Variants in SLC18A2 observed in about 807,000 individuals in gnomAD.
SLC18A2 encodes synaptic vesicular amine transporter.
SLC18A2 carries 33 observed loss-of-function variants against 59.2 expected under a neutral mutation model. The ratio of observed to expected loss-of-function variants is 0.56; its 90% CI spans 0.42 to 0.75. The LOEUF is 0.75. Ranked by LOEUF, SLC18A2 falls within the 30% of genes least tolerant of loss-of-function variation. SLC18A2 has a pLI of 0.00. For missense variants in SLC18A2, 569 were observed against 668.6 expected, an observed-to-expected ratio of 0.85 and a Z score of 1.64; for synonymous variants, 228 against 253.5, an observed-to-expected ratio of 0.90 and a Z score of 0.95.
chr10:117,250,838 AC>A (rs1844155513), intron 3 of SLC18A2, among the ~76,000 whole-genome samples: 2 of 152,138 alleles, frequency 1.3e-5, no homozygotes, highest in South Asian at 4.1e-4. Context: ...GTAGGGAGGG[AC>A]CTCAGTGGCT....
Position 117,255,646 on chromosome 10 carries a change from T to G in SLC18A2, c.884T>G (p.Leu295Arg), listed in dbSNP as rs766971186. 10 of 1,613,494 alleles carry G rather than the reference T, an allele frequency of 6.2e-6. No homozygotes were observed. Among genetic ancestry groups the G allele is most frequent in the Non-Finnish European group, 8.5e-6 (10 of 1,179,942 alleles). The part of the protein sequence containing the change: ...LTTLLKDPYI[L>R]IAAGSICFAN... ...ACGCTGCTGAAGGACCCGTACATCC[T>G]CATTGCTGCAGGTGGGGCTCTGTGG... Residue 295 changes from leucine (L) to arginine (R), a missense_variant, in exon 9 of 16, where the codon CTC (leucine) becomes CGC (arginine). By Grantham distance (102) the Leu-to-Arg change is moderately radical. Around this residue, in one of 2 missense-constraint regions of SLC18A2, gnomAD observed 377 missense variants for 389.8 expected, o/e 0.97. Transcript: ENST00000644641.
At chr10:117,248,280 A>T (rs1432798950) in intron 3 of SLC18A2, among the ~76,000 whole-genome samples, 1 of 152,012 alleles carries the variant, frequency 6.6e-6, no homozygotes, top group African/African-American at 2.4e-5. Flanking sequence ...TGTTTTTTTT[A>T]AATATTCGAT....
chr10:117,244,358 T>C (rs1844088921), intron 3 of SLC18A2, 45 bp downstream of exon 3: 3 of 1,488,056 alleles, frequency 2.0e-6, no homozygotes, highest in Non-Finnish European at 2.8e-6. Flanking sequence ...TTTGTATCAG[T>C]CCTAGCTTAT....
Position 117,255,348 on chromosome 10 carries a change from C to T in SLC18A2, c.772C>T (p.Leu258=). 1 of 1,614,252 alleles carries T rather than the reference C, an allele frequency of 6.2e-7. No individual in the cohort carries two copies. Reference sequence around the variant, plus strand: ...GGCTCCGTTCCTGGTGCTGGCCGCCCTGGTACTCTTGGATGGAGGTGAGTG... The same window carrying T: ...GGCTCCGTTCCTGGTGCTGGCCGCCTTGGTACTCTTGGATGGAGGTGAGTG... The part of the protein sequence containing the change: ...KTAPFLVLAA[L]VLLDGAIQLF... The change falls in exon 7 of 16, where the codon CTG becomes TTG. Residue 258 remains leucine, a synonymous_variant. Coordinates refer to ENST00000644641, the MANE Select transcript of SLC18A2 (RefSeq NM_003054.6).
Position 117,244,240 on chromosome 10 carries a change from GTTGGTC to G in SLC18A2, c.393_398del (p.Gly132_Leu133del). ...AGACCTCCTGAATGAAAACGTGCAA[GTTGGTC>G]TGTTGTTTGCCTCGAAAGCCACCGT... On this transcript the variant is annotated inframe_deletion, in exon 3 of 16. Coordinates refer to ENST00000644641, the MANE Select transcript of SLC18A2 (RefSeq NM_003054.6). 1 of 1,614,198 alleles carries G rather than the reference GTTGGTC, an allele frequency of 6.2e-7. No homozygotes were observed. The highest frequency in any genetic ancestry group is 8.5e-7 in the Non-Finnish European group (1 of 1,180,038).
chr10:117,264,587 T>A (rs1315779627), intron 10 of SLC18A2, among the ~76,000 whole-genome samples: 1 of 152,126 alleles, frequency 6.6e-6, no homozygotes, highest in Admixed American at 6.5e-5. Context: ...CTAGATGGAG[T>A]CTGGGCCCTC....
intron 15 of SLC18A2, among the ~76,000 whole-genome samples, chr10:117,276,613 CAAAAAAAAAA>C (rs1161850365): frequency 2.1e-5 from 1 of 46,740 alleles, no homozygotes; most frequent in African/African-American, 9.4e-5. Flanking sequence ...GACTTCATCT[CAAAAAAAAAA>C]AAAAAAAAAA....
intron 3 of SLC18A2, among the ~76,000 whole-genome samples, chr10:117,252,137 T>A (rs1844168993): frequency 8.2e-6 from 1 of 122,678 alleles, no homozygotes; most frequent in African/African-American, 4.0e-5. Context: ...TTTTTGTATT[T>A]TTTTTTTTTT....
At chr10:117,253,941 C>G in intron 4 of SLC18A2, 107 bp from the exon 5 acceptor site, 1 of 951,780 alleles carries the variant, frequency 1.1e-6, no homozygotes, top group Non-Finnish European at 1.6e-6. Flanking sequence ...GGGTGGCTAA[C>G]ATGCAAATGC....
intron 10 of SLC18A2, among the ~76,000 whole-genome samples, chr10:117,264,509 G>A (rs1219215555): frequency 6.6e-6 from 1 of 152,156 alleles, no homozygotes; most frequent in Middle Eastern, 3.2e-3. Context: ...AAAACAAACA[G>A]GATCTTCCAA....
chr10:117,270,549 G>A (rs1406160458), intron 15 of SLC18A2, 86 bp downstream of exon 15: 48 of 1,480,934 alleles, frequency 3.2e-5, no homozygotes, highest in Non-Finnish European at 4.4e-5. Context: ...TCATTCTAAA[G>A]CCTTCAAACA....
At chr10:117,270,541 A>G in intron 15 of SLC18A2, 78 bp downstream of exon 15, 2 of 1,520,334 alleles carry the variant, frequency 1.3e-6, no homozygotes, top group South Asian at 2.4e-5. Flanking sequence ...TCATGGTTTC[A>G]TTCTAAAGCC....
At chr10:117,259,915 C>G (rs973778823) in intron 10 of SLC18A2, among the ~76,000 whole-genome samples, 10 of 152,188 alleles carry the variant, frequency 6.6e-5, no homozygotes. Flanking sequence ...ATGAATCCCC[C>G]TATTTTCTCT....
At chr10:117,276,348 G>A (rs1025549155) in intron 15 of SLC18A2, among the ~76,000 whole-genome samples, 6 of 151,856 alleles carry the variant, frequency 4.0e-5, no homozygotes, top group Admixed American at 1.3e-4. Context: ...GCAGTGGCTC[G>A]TGTCTATAGT....
rs761140109 is a variant in SLC18A2, at chr10:117,255,529, G to T, written c.834+7G>T. The T allele has an allele frequency of 2.8e-5, 46 of 1,614,142 alleles. No homozygotes were observed. The highest frequency in any genetic ancestry group is 3.9e-5 in the Non-Finnish European group (46 of 1,180,040). On this transcript the variant is annotated splice_region_variant and intron_variant, in intron 8 of 15. Transcript: ENST00000644641. The stretch of plus-strand genomic sequence containing the variant: ...GTCCCGGGTGCAGCCAGAGGTAAGC[G>T]GCTGGGAATGAGGGCCCTGGGGGAG...
chr10:117,268,603 T>C (rs1359010573), intron 13 of SLC18A2: 1 of 152,374 alleles, frequency 6.6e-6, no homozygotes, highest in Admixed American at 6.5e-5. Context: ...TGCATCCTTT[T>C]GGTGCTTCCC....
At chr10:117,259,472 CT>C (rs1298651658) in intron 10 of SLC18A2, among the ~76,000 whole-genome samples, 1 of 152,174 alleles carries the variant, frequency 6.6e-6, no homozygotes, top group African/African-American at 2.4e-5. Flanking sequence ...CCTTGACTGA[CT>C]TCCTCCTTAT....
At chr10:117,271,903 C>T (rs1844431785) in intron 15 of SLC18A2, among the ~76,000 whole-genome samples, 1 of 151,824 alleles carries the variant, frequency 6.6e-6, no homozygotes, top group Non-Finnish European at 1.5e-5. Flanking sequence ...TGTTTTTGAC[C>T]AAAAAAAGTA....
chr10:117,276,630 A>AAAAAAG (rs1445853665), intron 15 of SLC18A2, among the ~76,000 whole-genome samples: 132 of 22,266 alleles, frequency 5.9e-3, no homozygotes, highest in African/African-American at 0.013. Flanking sequence ...AAAAAAAAAA[A>AAAAAAG]AAAGAAAGAA....
Sources: gnomAD v4.1 joint callset for allele counts (sites outside exome capture counted in the v4.1 genomes callset) on GRCh38, gnomAD v4.1.1 for gene constraint, gnomAD v4.1.1 regional missense constraint, MANE v1.5 for transcripts, NCBI Gene and HGNC (gene_info 2026-07-23, HGNC 2026-07-21) for gene names.